PEAK1: variants seen among roughly 807,000 people sequenced by gnomAD.
The protein encoded by PEAK1 is inactive tyrosine-protein kinase PEAK1.
A neutral mutation model predicts 124.7 loss-of-function variants in PEAK1; 54 were observed. The observed-to-expected ratio is 0.43, with a 90% confidence interval of 0.35 to 0.54. The LOEUF (loss-of-function observed/expected upper bound fraction) is 0.54. PEAK1 is among the 20% of genes least tolerant of loss of function. PEAK1 has a pLI of 0.01. For synonymous variants in PEAK1, 719 were observed against 760.0 expected, an observed-to-expected ratio of 0.95 and a Z score of 0.89; for missense variants, 2,046 against 2,134.5, an observed-to-expected ratio of 0.96 and a Z score of 0.82.
At chr15:77,206,956 C>T (rs931428236) in intron 6 of PEAK1, among the ~76,000 whole-genome samples, 26 of 152,056 alleles carry the variant, frequency 1.7e-4, no homozygotes, top group Admixed American at 6.6e-4. Flanking sequence ...TCAGAAATAA[C>T]GCCGCATACC....
At chr15:77,407,996 TAC>T (rs1471613619) in intron 1 of PEAK1, among the ~76,000 whole-genome samples, 14 of 150,058 alleles carry the variant, frequency 9.3e-5, no homozygotes, top group South Asian at 8.4e-4. Context: ...TATATACACA[TAC>T]ACACACGTAC....
chr15:77,390,953 C>T (rs1372317375), intron 1 of PEAK1, among the ~76,000 whole-genome samples: 1 of 152,132 alleles, frequency 6.6e-6, no homozygotes, highest in African/African-American at 2.4e-5. Flanking sequence ...AAAAGAAGAA[C>T]TTTTGCCTCT....
intron 1 of PEAK1, among the ~76,000 whole-genome samples, chr15:77,392,410 G>A (rs1302104913): frequency 1.3e-5 from 2 of 152,082 alleles, no homozygotes; most frequent in Non-Finnish European, 2.9e-5. Flanking sequence ...CTCAAATTTT[G>A]ATAATATATC....
rs953564488 is a variant in PEAK1, at chr15:77,114,575, G to A, written c.4822C>T (p.Pro1608Ser). ...TTCAGCTCTGGGTTCTCATCAAAGG[G>A]GTTGGGTAGGTGCAGCATCTCATAG... ...LIYEMLHLPNPFDENPELKER... is the reference protein window; with the variant it reads ...LIYEMLHLPNSFDENPELKER... The change falls in exon 10 of 10, where the codon CCC (proline) becomes TCC (serine). Residue 1608 changes from proline (P) to serine (S), a missense_variant. By Grantham distance (74) the Pro-to-Ser change is moderately conservative. Coordinates refer to ENST00000682557, the MANE Select transcript of PEAK1 (RefSeq NM_001385026.1). The A allele has an allele frequency of 8.7e-6, 14 of 1,614,094 alleles. No homozygotes were observed. Among genetic ancestry groups the A allele is most frequent in the Non-Finnish European group, 1.1e-5 (13 of 1,180,012 alleles).
In PEAK1 at chr15:77,347,860, A is replaced by G. The variant is rs532428436; in HGVS notation, c.-603+17303T>C. On this transcript the variant is annotated intron_variant, in intron 2 of 9. Transcript: ENST00000682557. ...TCAAAAGCATCTACAACATTAAACA[A>G]TGCTACATTTAAAAATAAAATATAC... 26 of 984,658 alleles carry G rather than the reference A, an allele frequency of 2.6e-5. No homozygotes were observed. The South Asian group carries it at 8.0e-4, about 30-fold the overall frequency. 61.0% of individuals were successfully genotyped at this position (984,658 alleles called of 1,614,324 possible).
chr15:77,212,488 AAT>A (rs1181485519), intron 6 of PEAK1, among the ~76,000 whole-genome samples: 1 of 152,212 alleles, frequency 6.6e-6, no homozygotes, highest in Admixed American at 6.5e-5. Context: ...TTTTAAAATA[AAT>A]ATCAACTCTG....
At chr15:77,141,092 T>C (rs1316963445) in intron 8 of PEAK1, among the ~76,000 whole-genome samples, 1 of 152,096 alleles carries the variant, frequency 6.6e-6, no homozygotes, top group African/African-American at 2.4e-5. Context: ...AAGAGGAAAG[T>C]AAAACTATCT....
intron 6 of PEAK1, among the ~76,000 whole-genome samples, chr15:77,223,086 G>C (rs1023781152): frequency 4.6e-5 from 7 of 151,962 alleles, no homozygotes; most frequent in African/African-American, 1.7e-4. Flanking sequence ...TTATAATTAA[G>C]TCACTAGTGA....
intron 2 of PEAK1, among the ~76,000 whole-genome samples, chr15:77,360,644 G>C (rs2067831351): frequency 6.6e-6 from 1 of 152,088 alleles, no homozygotes; most frequent in African/African-American, 2.4e-5. Context: ...TTATAGGTGG[G>C]TTAGTAGGAC....
intron 6 of PEAK1, among the ~76,000 whole-genome samples, chr15:77,183,667 G>C (rs185336103): frequency 3.3e-5 from 5 of 151,908 alleles, no homozygotes; most frequent in African/African-American, 1.2e-4. Context: ...ACAAGAGAAT[G>C]AAGACAAACC....
chr15:77,367,866 G>A (rs887132962), intron 1 of PEAK1, among the ~76,000 whole-genome samples: 2 of 152,116 alleles, frequency 1.3e-5, no homozygotes, highest in African/African-American at 4.8e-5. Context: ...AGTGGTAGAG[G>A]GATACCTCCA....
intron 7 of PEAK1, among the ~76,000 whole-genome samples, chr15:77,159,707 G>A (rs1415925968): frequency 1.3e-5 from 2 of 152,202 alleles, no homozygotes; most frequent in Admixed American, 1.3e-4. Context: ...TCAATTGGCA[G>A]TGAGTCATGG....
chr15:77,180,286 T>C lies in PEAK1; in HGVS notation c.1641A>G (p.Lys547=), dbSNP rs760838892. The change falls in exon 7 of 10, where the codon AAA becomes AAG. Residue 547 remains lysine (K), a synonymous_variant. Coordinates refer to ENST00000682557, the MANE Select transcript of PEAK1 (RefSeq NM_001385026.1). Reference sequence around the variant, plus strand: ...CAGTTCCACTAGTAATTAGTTCTACTTTAGGTATCTTTTGTCGTGGACTGG... The same window carrying C: ...CAGTTCCACTAGTAATTAGTTCTACCTTAGGTATCTTTTGTCGTGGACTGG... ...SSTSPRQKIP[K]VELITSGTGP... 1.2e-6 allele frequency: 2 copies of C among 1,614,188 alleles called. No individual in the cohort carries two copies. The highest frequency in any genetic ancestry group is 8.5e-7 in the Non-Finnish European group (1 of 1,180,006).
At chr15:77,321,246 C>T (rs191916254) in intron 2 of PEAK1, among the ~76,000 whole-genome samples, 7 of 152,352 alleles carry the variant, frequency 4.6e-5, no homozygotes, top group African/African-American at 1.7e-4. Flanking sequence ...CTGACTTCCA[C>T]AATGGTTGAA....
chr15:77,280,272 C>T (rs111472883), intron 5 of PEAK1, among the ~76,000 whole-genome samples: 6 of 152,086 alleles, frequency 3.9e-5, no homozygotes, highest in African/African-American at 1.4e-4. Flanking sequence ...AAACGGGAGG[C>T]GGAGGCTGCA....
intron 6 of PEAK1, among the ~76,000 whole-genome samples, chr15:77,201,137 A>T (rs1046433555): frequency 1.3e-5 from 2 of 151,586 alleles, no homozygotes; most frequent in African/African-American, 4.8e-5. Flanking sequence ...CAGGGAACAG[A>T]TTAGTAAAAA....
chr15:77,386,099 C>T (rs983027939), intron 1 of PEAK1, among the ~76,000 whole-genome samples: 5 of 152,148 alleles, frequency 3.3e-5, no homozygotes, highest in Admixed American at 6.6e-5. Flanking sequence ...TAATTAATAA[C>T]AGCAGCTAAA....
intron 6 of PEAK1, among the ~76,000 whole-genome samples, chr15:77,238,139 A>G (rs570940112): frequency 6.6e-6 from 1 of 152,176 alleles, no homozygotes; most frequent in East Asian, 1.9e-4. Flanking sequence ...CTTTTCGTCT[A>G]GTAATTATGC....
chr15:77,115,123 G>A lies in PEAK1; in HGVS notation c.4274C>T (p.Ala1425Val), dbSNP rs1294379386. The change falls in exon 10 of 10, where the codon GCC (alanine) becomes GTC (valine). Residue 1425 changes from alanine to valine, a missense_variant. By Grantham distance (64) the Ala-to-Val change is moderately conservative. Coordinates refer to ENST00000682557, the MANE Select transcript of PEAK1 (RefSeq NM_001385026.1). Reference sequence around the variant, plus strand: ...GTTTTTCCCATCCGTTTCTCCTTTGGCGTCTTCTTCAGTCTCTTCCATGTC... The same window carrying A: ...GTTTTTCCCATCCGTTTCTCCTTTGACGTCTTCTTCAGTCTCTTCCATGTC... ...EDDMEETEEDAKGETDGKNPK... is the reference protein window; with the variant it reads ...EDDMEETEEDVKGETDGKNPK... The A allele has an allele frequency of 1.9e-6, 3 of 1,614,000 alleles. No homozygotes were observed. The highest frequency in any genetic ancestry group is 2.5e-6 in the Non-Finnish European group (3 of 1,179,998).
Sources: allele counts gnomAD v4.1 joint callset (sites outside exome capture counted in the v4.1 genomes callset), GRCh38; gene constraint gnomAD v4.1.1; transcripts MANE v1.5; gene names NCBI Gene and HGNC (gene_info 2026-07-23, HGNC 2026-07-21).